Variants in ARHGAP26 observed in about 807,000 individuals in gnomAD.
ARHGAP26 encodes the protein Rho GTPase activating protein 26.
A neutral mutation model predicts 104.8 loss-of-function variants in ARHGAP26; 38 were observed. That is an observed-to-expected ratio of 0.36 (90% confidence interval 0.28 to 0.48). The LOEUF (loss-of-function observed/expected upper bound fraction) is 0.48, where lower values mean the gene tolerates loss of function less well. ARHGAP26 is among the 20% of genes least tolerant of loss of function. ARHGAP26 has a pLI of 0.99. For missense variants in ARHGAP26, 704 were observed against 947.9 expected, an observed-to-expected ratio of 0.74 and a Z score of 3.38; for synonymous variants, 341 against 340.0, an observed-to-expected ratio of 1.00 and a Z score of -0.03.
rs578027005 is a variant in ARHGAP26 at position 142,887,535 on chromosome 5, G to C, written c.486+2136G>C. Reference sequence around the variant, plus strand: ...ATTGGATGCCACTATTCCTGACTTTGACAGTTCTGTATTTCAGTGGATGTT... The same window carrying C: ...ATTGGATGCCACTATTCCTGACTTTCACAGTTCTGTATTTCAGTGGATGTT... On this transcript the variant is annotated intron_variant, in intron 5 of 22. Transcript: ENST00000645722. 3.9e-4 allele frequency among the ~76,000 whole-genome samples: 59 copies of C among 152,222 alleles called. 2 individuals are homozygous for C. Among genetic ancestry groups the C allele is most frequent in the Admixed American group, 3.3e-3 (51 of 15,288 alleles).
intron 1 of ARHGAP26, among the ~76,000 whole-genome samples, chr5:142,806,581 A>G (rs138046358): frequency 1.0e-3 from 157 of 152,242 alleles, no homozygotes; most frequent in African/African-American, 3.7e-3. Context: ...GGAAGGCATT[A>G]GTTAACATCT....
At chr5:142,834,024 G>A (rs1043923947) in intron 1 of ARHGAP26, among the ~76,000 whole-genome samples, 1 of 152,202 alleles carries the variant, frequency 6.6e-6, no homozygotes, top group Admixed American at 6.5e-5. Flanking sequence ...CTAGATTTGT[G>A]TATGTTATAT....
Position 142,963,189 on chromosome 5 carries a change from T to TATATATATATATACAC in ARHGAP26, c.1107+31074_1107+31075insATACACATATATATAT, listed in dbSNP as rs1562164724. 6.6e-4 allele frequency among the ~76,000 whole-genome samples: 73 copies of TATATATATATATACAC among 111,078 alleles called. 1 individual carries two copies. The highest frequency in any genetic ancestry group is 3.3e-3 in the African/African-American group (70 of 21,506). 72.9% of individuals were successfully genotyped at this position (111,078 alleles called of 152,430 possible). On this transcript the variant is annotated intron_variant, in intron 11 of 22. Coordinates refer to ENST00000645722, the MANE Select transcript of ARHGAP26 (RefSeq NM_001135608.3). Reference sequence around the variant, plus strand: ...GTATATATGTATATATATATATATATATATATATATGTGTGTGTGTGTGTG... The same window carrying TATATATATATATACAC: ...GTATATATGTATATATATATATATATATATATATATATACACATATATATATGTGTGTGTGTGTGTG...
At chr5:143,167,670 G>A (rs953633152) in intron 20 of ARHGAP26, among the ~76,000 whole-genome samples, 7 of 152,086 alleles carry the variant, frequency 4.6e-5, no homozygotes, top group Non-Finnish European at 1.0e-4. Flanking sequence ...GACTAAGCCA[G>A]GCCAACCATA....
At chr5:142,897,455 G>A (rs1224314939) in intron 6 of ARHGAP26, among the ~76,000 whole-genome samples, 1 of 152,214 alleles carries the variant, frequency 6.6e-6, no homozygotes, top group African/African-American at 2.4e-5. Flanking sequence ...GGGATGGGGA[G>A]AAGGTATTCA....
intron 11 of ARHGAP26, among the ~76,000 whole-genome samples, chr5:142,999,070 T>C (rs1776834865): frequency 6.6e-6 from 1 of 152,234 alleles, no homozygotes; most frequent in Non-Finnish European, 1.5e-5. Context: ...TTAAAAATTA[T>C]AGGGACTAAG....
intron 19 of ARHGAP26, among the ~76,000 whole-genome samples, chr5:143,141,090 G>A (rs990320464): frequency 1.8e-4 from 28 of 152,248 alleles, no homozygotes; most frequent in African/African-American, 6.3e-4. Flanking sequence ...TTATTCACAT[G>A]GATTCCTGTT....
At position 142,849,015 on chromosome 5, in the gene ARHGAP26, G is replaced by A. The variant is rs1750985490; in HGVS notation, c.155-24385G>A. 2.6e-5 allele frequency among the ~76,000 whole-genome samples: 4 copies of A among 152,260 alleles called. No individual in the cohort carries two copies. In the South Asian group the frequency reaches 8.3e-4, roughly 32 times the overall value. On this transcript the variant is annotated intron_variant, in intron 1 of 22. Coordinates refer to ENST00000645722, the MANE Select transcript of ARHGAP26 (RefSeq NM_001135608.3). Reference sequence around the variant, plus strand: ...AGAGGTAATGATCTGAAATTTACTGGAAGTCTCTTCCATGTTGTTTATTGG... The same window carrying A: ...AGAGGTAATGATCTGAAATTTACTGAAAGTCTCTTCCATGTTGTTTATTGG...
At position 143,041,875 on chromosome 5, in the gene ARHGAP26, C is replaced by CTGAGTGTCCTGATGGG. The variant is rs1379808227; in HGVS notation, c.1277_1285+7dup. ...TGTCAACTCCAGAGTGCAGAAGTTG[C>CTGAGTGTCCTGATGGG]TGAGTGTCCTGATGGGTGAGTGCCG... On this transcript the variant is annotated frameshift_variant, in exon 14 of 23. Transcript: ENST00000645722. LOFTEE classifies it high-confidence loss of function. 6.3e-7 allele frequency: 1 copy of CTGAGTGTCCTGATGGG among 1,592,968 alleles called. No individual in the cohort carries two copies. Among genetic ancestry groups the CTGAGTGTCCTGATGGG allele is most frequent in the East Asian group, 2.3e-5 (1 of 43,868 alleles).
intron 1 of ARHGAP26, among the ~76,000 whole-genome samples, chr5:142,788,913 C>T (rs191840359): frequency 6.6e-6 from 1 of 152,168 alleles, no homozygotes; most frequent in East Asian, 1.9e-4. Context: ...ATTGAACCTT[C>T]ACAACAGTCT....
intron 1 of ARHGAP26, among the ~76,000 whole-genome samples, chr5:142,785,987 T>G (rs2151879493): frequency 6.6e-6 from 1 of 151,960 alleles, no homozygotes; most frequent in East Asian, 1.9e-4. Context: ...ATTTTTTTTT[T>G]TTTTTAAATA....
chr5:142,776,714 T>G (rs1756392992), intron 1 of ARHGAP26, among the ~76,000 whole-genome samples: 2 of 152,244 alleles, frequency 1.3e-5, no homozygotes, highest in Non-Finnish European at 2.9e-5. Flanking sequence ...CATACGTGTC[T>G]TCATGTGTAT....
intron 20 of ARHGAP26, among the ~76,000 whole-genome samples, chr5:143,187,900 A>G (rs1805377965): frequency 6.6e-6 from 1 of 152,170 alleles, no homozygotes; most frequent in Non-Finnish European, 1.5e-5. Context: ...TTTGCTCTTG[A>G]CACTGATTGT....
At chr5:142,828,642 C>G (rs1392356936) in intron 1 of ARHGAP26, among the ~76,000 whole-genome samples, 2 of 152,132 alleles carry the variant, frequency 1.3e-5, no homozygotes. Context: ...AAGGTTTTGC[C>G]CCCATGAGGC....
intron 17 of ARHGAP26, among the ~76,000 whole-genome samples, chr5:143,093,778 G>A (rs1344439259): frequency 6.6e-6 from 1 of 152,090 alleles, no homozygotes. Flanking sequence ...AGCGGGAGTG[G>A]AGCTACTCTT....
intron 20 of ARHGAP26, among the ~76,000 whole-genome samples, chr5:143,201,320 G>A (rs141146179): frequency 6.2e-4 from 94 of 152,302 alleles, no homozygotes; most frequent in African/African-American, 2.3e-3. Flanking sequence ...GAGGGTTGTA[G>A]GAATGCCTTT....
intron 11 of ARHGAP26, among the ~76,000 whole-genome samples, chr5:142,968,015 C>T (rs951969431): frequency 6.6e-5 from 10 of 152,120 alleles, no homozygotes; most frequent in African/African-American, 2.4e-4. Flanking sequence ...GATGAGTTTC[C>T]TTGCTCATAG....
intron 1 of ARHGAP26, among the ~76,000 whole-genome samples, chr5:142,798,375 T>G (rs1352159931): frequency 2.6e-5 from 4 of 152,162 alleles, no homozygotes; most frequent in Non-Finnish European, 5.9e-5. Flanking sequence ...CTCTTCCTCC[T>G]TTTATGTCTC....
chr5:143,071,309 A>G (rs1031783642), intron 17 of ARHGAP26, among the ~76,000 whole-genome samples: 1 of 152,134 alleles, frequency 6.6e-6, no homozygotes, highest in African/African-American at 2.4e-5. Context: ...TAGAGAATCC[A>G]TAAATGAATC....
Sources: allele counts gnomAD v4.1 joint callset (sites outside exome capture counted in the v4.1 genomes callset), GRCh38; gene constraint gnomAD v4.1.1; transcripts MANE v1.5; gene names NCBI Gene and HGNC (gene_info 2026-07-23, HGNC 2026-07-21).